The following PRR16 variants were observed in gnomAD, a reference collection of about 807,000 sequenced individuals.
The protein encoded by PRR16 is proline rich 16.
Under a neutral mutation model 18.2 loss-of-function variants are expected in PRR16, and 6 were observed. The ratio of observed to expected loss-of-function variants is 0.33; its 90% CI spans 0.18 to 0.65. The LOEUF is 0.65. Among genes scored for constraint, PRR16 ranks in the 30% least tolerant of loss-of-function variants. The pLI, the probability that PRR16 is intolerant of heterozygous loss-of-function variation, is 0.74. For missense variants in PRR16, 412 were observed against 376.6 expected, an observed-to-expected ratio of 1.09 and a Z score of -0.78; for synonymous variants, 151 against 147.8, an observed-to-expected ratio of 1.02 and a Z score of -0.16.
intron 1 of PRR16, among the ~76,000 whole-genome samples, chr5:120,594,946 A>C (rs1753753078): frequency 6.6e-6 from 1 of 152,130 alleles, no homozygotes; most frequent in Non-Finnish European, 1.5e-5. Context: ...CACCATATAC[A>C]AAAATCAACC....
chr5:120,589,057 A>G lies in PRR16; in HGVS notation c.160-96897A>G, dbSNP rs960437620. ...CTTAATCTCTCTGTGCTTCAATTTT[A>G]TGATCTATAAAGTAGAGATGATAAT... is the stretch of plus-strand genomic sequence containing the variant. On this transcript the variant is annotated intron_variant, in intron 1 of 1. Coordinates refer to ENST00000407149, the MANE Select transcript of PRR16 (RefSeq NM_001300783.2). Among the ~76,000 whole-genome samples, 6 of 152,172 alleles carry G rather than the reference A, an allele frequency of 3.9e-5. No homozygotes were observed. The East Asian group carries it at 7.7e-4, about 20-fold the overall frequency.
At chr5:120,618,244 G>A (rs984333288) in intron 1 of PRR16, among the ~76,000 whole-genome samples, 35 of 151,962 alleles carry the variant, frequency 2.3e-4, no homozygotes, top group Non-Finnish European at 4.7e-4. Flanking sequence ...TACAATTACT[G>A]TTTTTCTTTA....
intron 1 of PRR16, among the ~76,000 whole-genome samples, chr5:120,574,968 A>G (rs1017831680): frequency 4.0e-5 from 6 of 148,850 alleles, no homozygotes; most frequent in Non-Finnish European, 1.5e-5. Context: ...ATGGTCATCC[A>G]TGGTCTAGAA....
chr5:120,653,538 G>A (rs1458592122), intron 1 of PRR16, among the ~76,000 whole-genome samples: 1 of 151,766 alleles, frequency 6.6e-6, no homozygotes, highest in Non-Finnish European at 1.5e-5. Flanking sequence ...AAAAACAAAG[G>A]TATTCTAGAA....
chr5:120,611,007 G>A (rs1464889856), intron 1 of PRR16, among the ~76,000 whole-genome samples: 1 of 152,152 alleles, frequency 6.6e-6, no homozygotes, highest in East Asian at 1.9e-4. Context: ...AGGCTGAGGT[G>A]GTCTCAGATG....
chr5:120,718,737 A>G, the PRR16 span, among the ~76,000 whole-genome samples: 1 of 152,126 alleles, frequency 6.6e-6, no homozygotes, highest in Non-Finnish European at 1.5e-5. Context: ...GAATATAATC[A>G]GGACTCTCCT....
Position 120,517,153 on chromosome 5 carries a change from G to C in PRR16, c.159+52508G>C, listed in dbSNP as rs529804623. ...TAGTCTGGGAGAAAATATTACAACAGAGAATATACTGAGGGTGATTTGCTT... is the reference window on the plus strand; with the variant it reads ...TAGTCTGGGAGAAAATATTACAACACAGAATATACTGAGGGTGATTTGCTT... On this transcript the variant is annotated intron_variant, in intron 1 of 1. Transcript: ENST00000407149. Among the ~76,000 whole-genome samples the C allele has an allele frequency of 6.6e-5, 10 of 152,326 alleles. No individual in the cohort carries two copies. In the South Asian group the frequency reaches 2.1e-3, roughly 32 times the overall value.
At chr5:120,722,560 A>C in the PRR16 span, among the ~76,000 whole-genome samples, 1 of 151,972 alleles carries the variant, frequency 6.6e-6, no homozygotes, top group Non-Finnish European at 1.5e-5. Context: ...TTTCTATCTC[A>C]AGCCAATGGA....
At chr5:120,731,680 G>C in the PRR16 span, among the ~76,000 whole-genome samples, 1 of 152,082 alleles carries the variant, frequency 6.6e-6, no homozygotes, top group Non-Finnish European at 1.5e-5. Flanking sequence ...TTGTGCCCTA[G>C]AACATTAAAA....
At chr5:120,674,902 C>A (rs1054583926) in intron 1 of PRR16, among the ~76,000 whole-genome samples, 1 of 151,380 alleles carries the variant, frequency 6.6e-6, no homozygotes, top group African/African-American at 2.4e-5. Flanking sequence ...TAAAATTTAA[C>A]ATTTGTTTTA....
intron 1 of PRR16, among the ~76,000 whole-genome samples, chr5:120,587,662 C>A (rs1378868505): frequency 6.6e-6 from 1 of 152,154 alleles, no homozygotes; most frequent in African/African-American, 2.4e-5. Context: ...AAAAATATTT[C>A]TTCTAAAATA....
chr5:120,756,692 G>A, the PRR16 span, among the ~76,000 whole-genome samples: 1 of 151,854 alleles, frequency 6.6e-6, no homozygotes, highest in Admixed American at 6.6e-5. Context: ...TTTTATATTA[G>A]ACCTTTGTTG....
chr5:120,664,376 G>A (rs1756286457), intron 1 of PRR16, among the ~76,000 whole-genome samples: 1 of 151,812 alleles, frequency 6.6e-6, no homozygotes. Context: ...TACTCGTGCT[G>A]CAACCCTGGG....
At chr5:120,764,787 A>G in the PRR16 span, among the ~76,000 whole-genome samples, 8 of 152,206 alleles carry the variant, frequency 5.3e-5, no homozygotes, top group East Asian at 1.5e-3. Flanking sequence ...TTCATTTCGT[A>G]TTAACATCAA....
chr5:120,549,010 T>C (rs960745029), intron 1 of PRR16, among the ~76,000 whole-genome samples: 6 of 151,958 alleles, frequency 3.9e-5, no homozygotes, highest in Admixed American at 2.0e-4. Context: ...TCCATTTGAC[T>C]TCGTTTCCTA....
At chr5:120,526,115 A>G (rs1335571867) in intron 1 of PRR16, among the ~76,000 whole-genome samples, 1 of 152,152 alleles carries the variant, frequency 6.6e-6, no homozygotes, top group Non-Finnish European at 1.5e-5. Flanking sequence ...AAGTAACTGT[A>G]TAGGTCATTC....
Position 120,562,477 on chromosome 5 carries a change from A to G in PRR16, c.159+97832A>G, listed in dbSNP as rs180951097. ...GGAGAGTTTAGTCCATTTACATTCA[A>G]TGTTATTATTGATGAGTAGGACTTT... On this transcript the variant is annotated intron_variant, in intron 1 of 1. Coordinates refer to ENST00000407149, the MANE Select transcript of PRR16 (RefSeq NM_001300783.2). Among the ~76,000 whole-genome samples the G allele has an allele frequency of 3.8e-3, 579 of 152,086 alleles. 5 individuals carry two copies. Among genetic ancestry groups the G allele is most frequent in the African/African-American group, 0.013 (519 of 41,510 alleles).
At chr5:120,733,927 A>G in the PRR16 span, among the ~76,000 whole-genome samples, 1 of 152,192 alleles carries the variant, frequency 6.6e-6, no homozygotes, top group Non-Finnish European at 1.5e-5. Flanking sequence ...CTTAAAAGTT[A>G]CATTTATTTT....
At chr5:120,502,369 T>G (rs532825794) in intron 1 of PRR16, among the ~76,000 whole-genome samples, 1 of 148,782 alleles carries the variant, frequency 6.7e-6, no homozygotes, top group African/African-American at 2.5e-5. Flanking sequence ...ATTTTATATA[T>G]TATATATATA....
Sources: allele counts gnomAD v4.1 joint callset (sites outside exome capture counted in the v4.1 genomes callset), GRCh38; gene constraint gnomAD v4.1.1; transcripts MANE v1.5; gene names NCBI Gene and HGNC (gene_info 2026-07-23, HGNC 2026-07-21).